Variants in BTBD9 observed in about 807,000 individuals in gnomAD.
BTBD9 encodes BTB domain containing 9.
In BTBD9, 49 loss-of-function variants were observed where a neutral mutation model predicts 64.3. The ratio of observed to expected loss-of-function variants is 0.76; its 90% CI spans 0.61 to 0.97. The LOEUF (loss-of-function observed/expected upper bound fraction) is 0.97, where lower values mean the gene tolerates loss of function less well. Among genes scored for constraint, BTBD9 ranks in the 50% least tolerant of loss-of-function variants. BTBD9 has a pLI of 0.00. For missense variants in BTBD9, 598 were observed against 762.1 expected (o/e 0.78, Z 2.53); for synonymous variants, 260 against 274.7 (o/e 0.95, Z 0.53).
At chr6:38,178,367 C>T (rs1291914485) in intron 10 of BTBD9, among the ~76,000 whole-genome samples, 3 of 152,136 alleles carry the variant, frequency 2.0e-5, no homozygotes, top group African/African-American at 4.8e-5. Flanking sequence ...GCAGCAGACA[C>T]GGCCAGAGGA....
intron 6 of BTBD9, among the ~76,000 whole-genome samples, chr6:38,478,503 C>T (rs1394981756): frequency 7.2e-5 from 11 of 152,142 alleles, no homozygotes; most frequent in Non-Finnish European, 1.6e-4. Context: ...TCTCATCAGT[C>T]ATCTACAACC....
intron 9 of BTBD9, among the ~76,000 whole-genome samples, chr6:38,238,379 T>G (rs1187137537): frequency 6.6e-6 from 1 of 152,012 alleles, no homozygotes; most frequent in Non-Finnish European, 1.5e-5. Context: ...TGCTTCCAGG[T>G]CATTAAAAAT....
intron 6 of BTBD9, among the ~76,000 whole-genome samples, chr6:38,393,681 T>C (rs1015589871): frequency 2.0e-5 from 3 of 152,202 alleles, no homozygotes; most frequent in African/African-American, 4.8e-5. Context: ...AGGGCTGTTA[T>C]ACCCTCTCAT....
rs1308981855 is a variant in BTBD9, at chr6:38,225,921, T to C, written c.1562+30488A>G. Among the ~76,000 whole-genome samples, 4 of 152,222 alleles carry C rather than the reference T, an allele frequency of 2.6e-5. No individual in the cohort carries two copies. In the East Asian group the frequency reaches 7.7e-4, roughly 29 times the overall value. On this transcript the variant is annotated intron_variant, in intron 9 of 10. Transcript: ENST00000481247. ...GATATGACACACACATAGAGAAGAC[T>C]AACAATACTGGTACTTGATGACTGA...
chr6:38,401,324 T>C (rs946947947), intron 6 of BTBD9, among the ~76,000 whole-genome samples: 1 of 152,224 alleles, frequency 6.6e-6, no homozygotes, highest in African/African-American at 2.4e-5. Context: ...GCCATAATTG[T>C]AAGTTTCCTG....
At chr6:38,395,511 G>T (rs1333139069) in intron 6 of BTBD9, among the ~76,000 whole-genome samples, 1 of 152,164 alleles carries the variant, frequency 6.6e-6, no homozygotes, top group Non-Finnish European at 1.5e-5. Context: ...CTCACCAGAT[G>T]CCAAAATTGT....
rs148425064 is a variant in BTBD9 at position 38,366,219 on chromosome 6, C to T, written c.1155-21126G>A. ...AAAAATCCACTGAATCTGATTTTCA[C>T]TTGTCTAGATAAGAGGGTGACAATT... On this transcript the variant is annotated intron_variant, in intron 6 of 10. Transcript: ENST00000481247. Among the ~76,000 whole-genome samples the T allele has an allele frequency of 6.6e-5, 10 of 152,292 alleles. No individual in the cohort carries two copies. The East Asian group carries it at 1.9e-3, about 29-fold the overall frequency.
chr6:38,517,802 AAC>A (rs2127416677), intron 6 of BTBD9, among the ~76,000 whole-genome samples: 1 of 152,266 alleles, frequency 6.6e-6, no homozygotes, highest in African/African-American at 2.4e-5. Flanking sequence ...CTGGCTCTAT[AAC>A]ACATCGAATC....
intron 6 of BTBD9, among the ~76,000 whole-genome samples, chr6:38,464,869 G>T (rs1000085122): frequency 1.3e-5 from 2 of 152,156 alleles, no homozygotes; most frequent in Admixed American, 6.5e-5. Flanking sequence ...AGACTGAACT[G>T]GGAAATATTC....
At chr6:38,389,045 T>A (rs1766300110) in intron 6 of BTBD9, among the ~76,000 whole-genome samples, 1 of 152,224 alleles carries the variant, frequency 6.6e-6, no homozygotes, top group Non-Finnish European at 1.5e-5. Context: ...CTCTACTAGA[T>A]CTTCTAACTG....
At chr6:38,527,993 T>C (rs1193671785) in intron 6 of BTBD9, among the ~76,000 whole-genome samples, 2 of 152,100 alleles carry the variant, frequency 1.3e-5, no homozygotes, top group Admixed American at 6.5e-5. Context: ...AATATTATAT[T>C]AAGGAAAGAG....
intron 6 of BTBD9, among the ~76,000 whole-genome samples, chr6:38,453,450 T>C (rs115388046): frequency 2.0e-4 from 31 of 152,310 alleles, no homozygotes; most frequent in Admixed American, 1.2e-3. Context: ...ACATATTTTA[T>C]AGGGTTAGGA....
chr6:38,468,129 T>C (rs966819979), intron 6 of BTBD9, among the ~76,000 whole-genome samples: 2 of 152,192 alleles, frequency 1.3e-5, no homozygotes, highest in Non-Finnish European at 2.9e-5. Flanking sequence ...TTTTCCCACC[T>C]TGGCTTCCCG....
chr6:38,193,127 T>C (rs1448618282), intron 9 of BTBD9, among the ~76,000 whole-genome samples: 1 of 152,028 alleles, frequency 6.6e-6, no homozygotes, highest in East Asian at 1.9e-4. Flanking sequence ...CATTTCCCCA[T>C]CTATAAAATG....
intron 8 of BTBD9, among the ~76,000 whole-genome samples, chr6:38,271,386 A>G (rs1042224182): frequency 4.6e-5 from 7 of 152,170 alleles, no homozygotes; most frequent in Admixed American, 3.3e-4. Flanking sequence ...CTATCTTTCA[A>G]TAACAGGATT....
intron 6 of BTBD9, among the ~76,000 whole-genome samples, chr6:38,429,201 T>A (rs1017543753): frequency 6.7e-6 from 1 of 148,964 alleles, no homozygotes; most frequent in East Asian, 2.1e-4. Context: ...ACGCCTGTAA[T>A]CCCAGCACTT....
chr6:38,331,743 C>T (rs2127581897), intron 7 of BTBD9, among the ~76,000 whole-genome samples: 1 of 152,082 alleles, frequency 6.6e-6, no homozygotes, highest in South Asian at 2.1e-4. Context: ...CCTGTGGTCC[C>T]AGCTACTTGG....
At chr6:38,498,523 T>C (rs1772056820) in intron 6 of BTBD9, among the ~76,000 whole-genome samples, 1 of 151,502 alleles carries the variant, frequency 6.6e-6, no homozygotes. Flanking sequence ...ATACTAGCTT[T>C]TAAATGCCTT....
chr6:38,210,536 TTGTGTGTGTG>T (rs71542165), intron 9 of BTBD9, among the ~76,000 whole-genome samples: 5,586 of 146,266 alleles, frequency 0.038, 271 homozygotes, highest in African/African-American at 0.11. Flanking sequence ...GTGCGTGTGT[TTGTGTGTGTG>T]TGTGTGTGTG....
Sources: allele counts gnomAD v4.1 joint callset (sites outside exome capture counted in the v4.1 genomes callset), GRCh38; gene constraint gnomAD v4.1.1; transcripts MANE v1.5; gene names NCBI Gene and HGNC (gene_info 2026-07-23, HGNC 2026-07-21).